The following ASIC1 variants were observed in gnomAD, a reference collection of about 807,000 sequenced individuals.
The protein encoded by ASIC1 is acid sensing ion channel subunit 1.
A neutral mutation model predicts 63.4 loss-of-function variants in ASIC1; 21 were observed. The observed-to-expected ratio is 0.33, with a 90% CI of 0.23 to 0.48. The LOEUF is 0.48. Among genes scored for constraint, ASIC1 ranks in the 20% least tolerant of loss-of-function variants. ASIC1 has a pLI of 0.99. For missense variants in ASIC1, 478 were observed against 695.5 expected (o/e 0.69, Z 3.52); for synonymous variants, 258 against 278.2 (o/e 0.93, Z 0.72).
In ASIC1 at chr12:50,081,780, T is replaced by C. The variant is rs759879813; in HGVS notation, c.*131T>C. On this transcript the variant is annotated 3_prime_UTR_variant, in exon 12 of 12. Coordinates refer to ENST00000447966, the MANE Select transcript of ASIC1 (RefSeq NM_001095.4). ...GGCAGATCTTTCCTCTTGTCTGTGG[T>C]AAGGAAGGAGTCTTGACCATAGAGT... is the stretch of plus-strand genomic sequence containing the variant. 2.6e-5 allele frequency: 20 copies of C among 777,882 alleles called. No homozygotes were observed. The highest frequency in any genetic ancestry group is 3.5e-5 in the Non-Finnish European group (17 of 484,356). The allele number at this position is 777,882 out of a possible 1,614,324, so 48.2% of individuals were successfully genotyped here.
At position 50,074,150 on chromosome 12, in the gene ASIC1, A is replaced by G. The variant is rs1253255796; in HGVS notation, c.559-3063A>G. The G allele has an allele frequency of 3.3e-6, 5 of 1,535,202 alleles. No individual in the cohort carries two copies. The highest frequency in any genetic ancestry group is 4.4e-6 in the Non-Finnish European group (5 of 1,146,448). On this transcript the variant is annotated intron_variant, in intron 3 of 11. Coordinates refer to ENST00000447966, the MANE Select transcript of ASIC1 (RefSeq NM_001095.4). This position sits in a 1 kb window ranked among gnomAD's most constrained non-coding sequence, Gnocchi z 4.2. Reference sequence around the variant, plus strand: ...TTCTCTGGGGAGCCCTTTAACCTGCACCGCTTCTACAATCGCTCCTGCCAC... The same window carrying G: ...TTCTCTGGGGAGCCCTTTAACCTGCGCCGCTTCTACAATCGCTCCTGCCAC...
rs1304380276 is a variant in ASIC1, at chr12:50,078,906, G to T, written c.995-18G>T. 1.9e-6 allele frequency: 3 copies of T among 1,612,660 alleles called. No individual in the cohort carries two copies. The African/African-American group carries it at 4.0e-5, about 22-fold the overall frequency. On this transcript the variant is annotated intron_variant, in intron 6 of 11. Transcript: ENST00000447966. The surrounding 1 kb of genome is among the most constrained non-coding windows in gnomAD (Gnocchi z 6.0). Reference sequence around the variant, plus strand: ...CCTTGAATTCCCATCCTGCATCATTGTCTTTTCTCCTCTGTAGGGGATGCC... The same window carrying T: ...CCTTGAATTCCCATCCTGCATCATTTTCTTTTCTCCTCTGTAGGGGATGCC...
intron 3 of ASIC1, among the ~76,000 whole-genome samples, chr12:50,067,488 C>T (rs1950557123): frequency 6.6e-6 from 1 of 150,864 alleles, no homozygotes; most frequent in Non-Finnish European, 1.5e-5. Flanking sequence ...CAGCTCACTG[C>T]AACCTCCGCC....
intron 3 of ASIC1, among the ~76,000 whole-genome samples, chr12:50,062,053 GACTCAA>G (rs1343849641): frequency 6.6e-6 from 1 of 152,114 alleles, no homozygotes; most frequent in Non-Finnish European, 1.5e-5. Flanking sequence ...AATTTTGCTG[GACTCAA>G]ACCTCTCACT....
At position 50,074,858 on chromosome 12, in the gene ASIC1, C is replaced by CTG. The variant is rs1392742315; in HGVS notation, c.559-2354_559-2353insGT. 2.3e-4 allele frequency among the ~76,000 whole-genome samples: 29 copies of CTG among 127,178 alleles called. No individual in the cohort carries two copies. The highest frequency in any genetic ancestry group is 9.0e-4 in the African/African-American group (29 of 32,150). 83.4% of individuals were successfully genotyped at this position (127,178 alleles called of 152,430 possible). A position where few individuals can be genotyped will look rare whatever the true frequency, so the allele number is the denominator to read the frequency against. On this transcript the variant is annotated intron_variant, in intron 3 of 11. Transcript: ENST00000447966. The surrounding 1 kb of genome is among the most constrained non-coding windows in gnomAD (Gnocchi z 4.2). Reference sequence around the variant, plus strand: ...CCTATGGACGCCCCACCCCCACCAGCTCTGTGTGTGTGTGTGTGTGTGTGT... The same window carrying CTG: ...CCTATGGACGCCCCACCCCCACCAGCTGTCTGTGTGTGTGTGTGTGTGTGTGT...
chr12:50,059,245 C>G lies in ASIC1; in HGVS notation c.362+117C>G. 1 of 1,408,880 alleles carries G rather than the reference C, an allele frequency of 7.1e-7. No individual in the cohort carries two copies. Among genetic ancestry groups the G allele is most frequent in the Non-Finnish European group, 9.5e-7 (1 of 1,053,580 alleles). The allele number at this position is 1,408,880 out of a possible 1,614,324, so 87.3% of individuals were successfully genotyped here. ...GCCAACCCTGCCCTTTAACCCACCC[C>G]CACCCCCAAACCTGCCACTCACAGC... On this transcript the variant is annotated intron_variant, in intron 2 of 11. Coordinates refer to ENST00000447966, the MANE Select transcript of ASIC1 (RefSeq NM_001095.4). This position sits in a 1 kb window ranked among gnomAD's most constrained non-coding sequence, Gnocchi z 4.6.
intron 3 of ASIC1, among the ~76,000 whole-genome samples, chr12:50,064,819 G>A (rs1592267691): frequency 6.6e-6 from 1 of 152,222 alleles, no homozygotes; most frequent in Non-Finnish European, 1.5e-5. Flanking sequence ...TATTCAGAAT[G>A]AGAAGCTGGG....
In ASIC1 at chr12:50,082,992, A is replaced by C. The variant is rs887503425; in HGVS notation, c.*1343A>C. On this transcript the variant is annotated 3_prime_UTR_variant, in exon 12 of 12. Coordinates refer to ENST00000447966, the MANE Select transcript of ASIC1 (RefSeq NM_001095.4). Reference sequence around the variant, plus strand: ...CCCCAGGGAAGGGGTTGCTGTAGAGATAGCCCCCACCCAGGGGATGGAGGT... The same window carrying C: ...CCCCAGGGAAGGGGTTGCTGTAGAGCTAGCCCCCACCCAGGGGATGGAGGT... 6 of 152,712 alleles carry C rather than the reference A, an allele frequency of 3.9e-5. No homozygotes were observed. Among genetic ancestry groups the C allele is most frequent in the African/African-American group, 1.4e-4 (6 of 41,402 alleles). The allele number at this position is 152,712 out of a possible 1,614,324, so 9.5% of individuals were successfully genotyped here.
rs951894272 is a variant in ASIC1 at position 50,074,912 on chromosome 12, G to A, written c.559-2301G>A. 4.7e-5 allele frequency among the ~76,000 whole-genome samples: 7 copies of A among 147,940 alleles called. No homozygotes were observed. Among genetic ancestry groups the A allele is most frequent in the Non-Finnish European group, 8.9e-5 (6 of 67,314 alleles). On this transcript the variant is annotated intron_variant, in intron 3 of 11. Transcript: ENST00000447966. The surrounding 1 kb of genome is among the most constrained non-coding windows in gnomAD (Gnocchi z 4.2). ...TGTGTGTGTGTGTGTGTGTGTCTGA[G>A]GGTAAATAACAGGTCTCTAAATCAT... is the stretch of plus-strand genomic sequence containing the variant.
chr12:50,081,035 C>T, intron 9 of ASIC1, 67 bp from the exon 10 acceptor site: 1 of 1,395,656 alleles, frequency 7.2e-7, no homozygotes, highest in Admixed American at 2.1e-5. Context: ...CTGCCCCAGT[C>T]CCAGTAAACC....
At chr12:50,075,276 G>C (rs1482573328) in intron 3 of ASIC1, among the ~76,000 whole-genome samples, 1 of 152,144 alleles carries the variant, frequency 6.6e-6, no homozygotes, top group Non-Finnish European at 1.5e-5. Flanking sequence ...TGGGCCACTG[G>C]GCCTCAGGCC....
chr12:50,060,064 G>C (rs1950487030), intron 3 of ASIC1, 110 bp downstream of exon 3: 1 of 1,313,778 alleles, frequency 7.6e-7, no homozygotes, highest in Non-Finnish European at 1.0e-6. Flanking sequence ...AGAGGAAGTT[G>C]TATGTCCTGG....
Position 50,078,838 on chromosome 12 carries a change from C to G in ASIC1, c.995-86C>G. 6.7e-7 allele frequency: 1 copy of G among 1,493,244 alleles called. No individual in the cohort carries two copies. Among genetic ancestry groups the G allele is most frequent in the Non-Finnish European group, 9.3e-7 (1 of 1,070,996 alleles). 92.5% of individuals were successfully genotyped at this position (1,493,244 alleles called of 1,614,324 possible). On this transcript the variant is annotated intron_variant, in intron 6 of 11. Transcript: ENST00000447966. The surrounding 1 kb of genome is among the most constrained non-coding windows in gnomAD (Gnocchi z 6.0). ...GTCCTCCCTTCCCATCTTCTCCCAG[C>G]TTACACCTTCTAGGCCTTTGGTACT...
In ASIC1 at chr12:50,079,852, C is replaced by A. The variant is rs746778750; in HGVS notation, c.1052-50C>A. On this transcript the variant is annotated intron_variant, in intron 7 of 11. Transcript: ENST00000447966. ...GCTAGGATGTGCATGTGGGAAGGTG[C>A]TGGCAGAAGGGCACCACTCAACTGA... 2.8e-5 allele frequency: 43 copies of A among 1,551,512 alleles called. No homozygotes were observed. The Admixed American group carries it at 5.7e-4, about 21-fold the overall frequency.
chr12:50,081,670 A>G lies in ASIC1; in HGVS notation c.*21A>G. ...GCTGAGCCCCGCAGGCCGCTGAACC[A>G]AAGGCCTAGATGGGGAGGACTAGGA... On this transcript the variant is annotated 3_prime_UTR_variant, in exon 12 of 12. Coordinates refer to ENST00000447966, the MANE Select transcript of ASIC1 (RefSeq NM_001095.4). 1 of 1,610,126 alleles carries G rather than the reference A, an allele frequency of 6.2e-7. No homozygotes were observed. The highest frequency in any genetic ancestry group is 1.1e-5 in the South Asian group (1 of 90,592).
intron 11 of ASIC1, 51 bp from the exon 12 acceptor site, chr12:50,081,494 C>T: frequency 1.3e-6 from 2 of 1,581,080 alleles, no homozygotes; most frequent in Non-Finnish European, 1.7e-6. Flanking sequence ...CCAGCACTAC[C>T]TGAAGCCCTT....
At position 50,078,515 on chromosome 12, in the gene ASIC1, G is replaced by T; in HGVS notation, c.932G>T (p.Arg311Leu). 6.2e-7 allele frequency: 1 copy of T among 1,614,058 alleles called. No homozygotes were observed. ...FFDSYSITACRIDCETRYLVE... is the reference protein window; with the variant it reads ...FFDSYSITACLIDCETRYLVE... ...GACTCCTACAGCATCACTGCCTGCC[G>T]CATCGACTGTGAGACGCGCTACCTG... The change falls in exon 6 of 12, where the codon CGC becomes CTC. Residue 311 changes from arginine to leucine, a missense_variant. By Grantham distance (102) the Arg-to-Leu change is moderately radical. Around this residue, in one of 3 missense-constraint regions of ASIC1, gnomAD observed 290 missense variants for 414.9 expected, o/e 0.70. Transcript: ENST00000447966. This position sits in a 1 kb window ranked among gnomAD's most constrained non-coding sequence, Gnocchi z 6.0.
rs981416982 is a variant in ASIC1 at position 50,080,998 on chromosome 12, A to G, written c.1298-104A>G. On this transcript the variant is annotated intron_variant, in intron 9 of 11. Coordinates refer to ENST00000447966, the MANE Select transcript of ASIC1 (RefSeq NM_001095.4). ...TTTGCGATCCTTCTGTGCGAAGGCTACCAATCCCTTTGAGAATACAACTTG... is the reference window on the plus strand; with the variant it reads ...TTTGCGATCCTTCTGTGCGAAGGCTGCCAATCCCTTTGAGAATACAACTTG... 6.5e-6 allele frequency: 7 copies of G among 1,081,290 alleles called. No homozygotes were observed. The African/African-American group carries it at 8.0e-5, about 12-fold the overall frequency. 67.0% of individuals were successfully genotyped at this position (1,081,290 alleles called of 1,614,324 possible). A position where few individuals can be genotyped will look rare whatever the true frequency, so the allele number is the denominator to read the frequency against.
At chr12:50,058,263 T>C (rs1299689080) in intron 1 of ASIC1, among the ~76,000 whole-genome samples, 1 of 152,124 alleles carries the variant, frequency 6.6e-6, no homozygotes, top group African/African-American at 2.4e-5. Context: ...TGTAGCCACC[T>C]CCCTGGGGGT....
Sources: gnomAD v4.1 joint callset for allele counts (sites outside exome capture counted in the v4.1 genomes callset) on GRCh38, gnomAD v4.1.1 for gene constraint, gnomAD v4.1.1 regional missense constraint, Gnocchi (gnomAD v3.1) non-coding constraint, MANE v1.5 for transcripts, NCBI Gene and HGNC (gene_info 2026-07-23, HGNC 2026-07-21) for gene names.